IL12RB1: variants seen among roughly 807,000 people sequenced by gnomAD.
IL12RB1 encodes the protein interleukin 12 receptor subunit beta 1.
IL12RB1 carries 64 observed loss-of-function variants against 94.4 expected under a neutral mutation model. The ratio of observed to expected loss-of-function variants is 0.68; its 90% CI spans 0.55 to 0.83. The LOEUF (loss-of-function observed/expected upper bound fraction) is 0.83, where lower values mean the gene tolerates loss of function less well. IL12RB1 is among the 40% of genes least tolerant of loss of function. The probability of loss-of-function intolerance (pLI) is 0.00; values close to 1 mark genes in which losing one functional copy is unlikely to be tolerated. For synonymous variants in IL12RB1, 362 were observed against 355.5 expected, an observed-to-expected ratio of 1.02 and a Z score of -0.21; for missense variants, 814 against 855.6, an observed-to-expected ratio of 0.95 and a Z score of 0.61.
intron 11 of IL12RB1, among the ~76,000 whole-genome samples, chr19:18,067,701 G>T (rs556676591): frequency 6.6e-5 from 10 of 152,286 alleles, no homozygotes; most frequent in Admixed American, 1.3e-4. Context: ...TACTCAGGAG[G>T]CTGAGGAAGG....
chr19:18,064,431 GCCCAA>G (rs1025132719), intron 12 of IL12RB1, among the ~76,000 whole-genome samples: 2 of 150,230 alleles, frequency 1.3e-5, no homozygotes, highest in Non-Finnish European at 3.0e-5. Context: ...GAGCCACCAA[GCCCAA>G]CCTAAAATCT....
chr19:18,077,603 C>T lies in IL12RB1; in HGVS notation c.462G>A (p.Gln154=), dbSNP rs1257858315. Residue 154 remains glutamine (Q), a synonymous_variant, in exon 5 of 17, where the codon CAG becomes CAA. Transcript: ENST00000593993. The stretch of plus-strand genomic sequence containing the variant: ...CCGGGGTCTCCCACTCCATACGCAG[C>T]TGCCCGGCCAACTTGGACACCTTGA... ...GDIKVSKLAG[Q]LRMEWETPDN... is the part of the protein sequence containing the mutation. The T allele has an allele frequency of 6.3e-7, 1 of 1,597,410 alleles. No individual in the cohort carries two copies. Among genetic ancestry groups the T allele is most frequent in the Non-Finnish European group, 8.6e-7 (1 of 1,164,722 alleles).
At chr19:18,083,121 C>A in intron 2 of IL12RB1, 1 of 526,730 alleles carries the variant, frequency 1.9e-6, no homozygotes, top group Non-Finnish European at 3.4e-6. Flanking sequence ...AATAATTTAT[C>A]AGGTTGGGGG....
At chr19:18,094,976 G>A (rs539565164) in intron 1 of IL12RB1, among the ~76,000 whole-genome samples, 2 of 152,024 alleles carry the variant, frequency 1.3e-5, no homozygotes, top group South Asian at 2.1e-4. Context: ...TCAGGAGTTT[G>A]AGACCAGCCT....
intron 3 of IL12RB1, among the ~76,000 whole-genome samples, chr19:18,081,375 C>T (rs1489687401): frequency 2.0e-5 from 3 of 150,606 alleles, no homozygotes; most frequent in Non-Finnish European, 4.4e-5. Flanking sequence ...GGATTACAAG[C>T]GTGAGCCACC....
In IL12RB1 at chr19:18,072,229, G is replaced by T; in HGVS notation, c.904C>A (p.His302Asn). 1 of 1,613,916 alleles carries T rather than the reference G, an allele frequency of 6.2e-7. No individual in the cohort carries two copies. Among genetic ancestry groups the T allele is most frequent in the Non-Finnish European group, 8.5e-7 (1 of 1,179,770 alleles). Residue 302 changes from histidine to asparagine, a missense_variant, in exon 9 of 17, where the codon CAC (histidine) becomes AAC (asparagine). His to Asn is a moderately conservative substitution (Grantham distance 68). Transcript: ENST00000593993. Reference sequence around the variant, plus strand: ...GAGAGATAGGGCATCTTCCCCAGGTGCAGGGTCCTGGTGGCCTTGGCCTTA... The same window carrying T: ...GAGAGATAGGGCATCTTCCCCAGGTTCAGGGTCCTGGTGGCCTTGGCCTTA... ...PCKAKATRTL[H>N]LGKMPYLSGA...
At chr19:18,068,012 T>C (rs771573449) in intron 11 of IL12RB1, among the ~76,000 whole-genome samples, 4 of 145,136 alleles carry the variant, frequency 2.8e-5, no homozygotes, top group Admixed American at 7.1e-5. Context: ...CTTAACAGCA[T>C]TGTCCTTTTT....
intron 4 of IL12RB1, 47 bp downstream of exon 4, chr19:18,080,785 T>C: frequency 1.6e-6 from 2 of 1,283,916 alleles, no homozygotes; most frequent in Non-Finnish European, 2.3e-6. Context: ...TGCAGCCTGA[T>C]GGCCTCTCTG....
intron 5 of IL12RB1, among the ~76,000 whole-genome samples, chr19:18,076,976 G>T (rs915139667): frequency 6.6e-6 from 1 of 152,162 alleles, no homozygotes; most frequent in African/African-American, 2.4e-5. Context: ...GAGGAGTTTG[G>T]GTAAAGGATA....
chr19:18,087,504 C>G (rs532736736), upstream of IL12RB1, among the ~76,000 whole-genome samples: 1 of 152,050 alleles, frequency 6.6e-6, no homozygotes, highest in Admixed American at 6.6e-5. Context: ...GCTACCGTGC[C>G]TGGCTGCCAA....
intron 5 of IL12RB1, among the ~76,000 whole-genome samples, chr19:18,076,535 T>C (rs1191266607): frequency 1.3e-5 from 2 of 152,050 alleles, no homozygotes; most frequent in Non-Finnish European, 2.9e-5. Context: ...TCCTGAGTAG[T>C]TGGGACTACA....
intron 11 of IL12RB1, among the ~76,000 whole-genome samples, chr19:18,067,623 A>G (rs547701974): frequency 6.6e-6 from 1 of 152,238 alleles, no homozygotes; most frequent in African/African-American, 2.4e-5. Context: ...CCAACATGCT[A>G]AAACCCTGTC....
chr19:18,064,733 C>A (rs962091048), intron 12 of IL12RB1, among the ~76,000 whole-genome samples: 4 of 152,166 alleles, frequency 2.6e-5, no homozygotes, highest in Non-Finnish European at 5.9e-5. Context: ...CTCAGCCTCC[C>A]AAAGTGCTGG....
At position 18,063,831 on chromosome 19, in the gene IL12RB1, C is replaced by G. The variant is rs554300618; in HGVS notation, c.1618+45G>C. The G allele has an allele frequency of 1.5e-5, 23 of 1,575,678 alleles. No homozygotes were observed. The African/African-American group carries it at 2.8e-4, about 19-fold the overall frequency. On this transcript the variant is annotated intron_variant, in intron 13 of 16. Coordinates refer to ENST00000593993, the MANE Select transcript of IL12RB1 (RefSeq NM_005535.3). Reference sequence around the variant, plus strand: ...TAAGATCATTGTGGGAAGCGCAGTGCAGTGCATGCTGGGTAAATAACTGGG... The same window carrying G: ...TAAGATCATTGTGGGAAGCGCAGTGGAGTGCATGCTGGGTAAATAACTGGG...
At chr19:18,077,426 G>C in intron 5 of IL12RB1, 90 bp downstream of exon 5, 1 of 1,001,278 alleles carries the variant, frequency 1.0e-6, no homozygotes, top group Non-Finnish European at 1.6e-6. Flanking sequence ...GTTGGGAGCG[G>C]GGACAGATGC....
At chr19:18,063,659 C>A (rs538590715) in intron 13 of IL12RB1, among the ~76,000 whole-genome samples, 51 of 152,222 alleles carry the variant, frequency 3.4e-4, no homozygotes, top group African/African-American at 1.2e-3. Context: ...ACATTCCAGG[C>A]AGGAGGCAGG....
At chr19:18,084,688 T>G (rs56970232) in intron 1 of IL12RB1, among the ~76,000 whole-genome samples, 24,987 of 141,106 alleles carry the variant, frequency 0.18, 2,171 homozygotes, top group Non-Finnish European at 0.2. Flanking sequence ...CATCCATCCA[T>G]CCATCCATCC....
Position 18,092,137 on chromosome 19 carries a change from A to G in IL12RB1, c.-229-1368T>C, listed in dbSNP as rs1187692031. 3.3e-5 allele frequency among the ~76,000 whole-genome samples: 5 copies of G among 150,110 alleles called. No individual in the cohort carries two copies. The South Asian group carries it at 8.4e-4, about 25-fold the overall frequency. On this transcript the variant is annotated intron_variant, in intron 1 of 4. Coordinates refer to the IL12RB1 transcript ENST00000594176. The stretch of plus-strand genomic sequence containing the variant: ...AGTGATCTGCTGGCCTCGGCCTCCC[A>G]AAGGGCTGGGATTACCGGCGTAAGC...
chr19:18,071,767 G>A (rs1348944800), intron 9 of IL12RB1, among the ~76,000 whole-genome samples: 1 of 152,080 alleles, frequency 6.6e-6, no homozygotes, highest in East Asian at 1.9e-4. Flanking sequence ...TGGCTCCTGG[G>A]TTCAAGCGAT....
Sources: allele counts gnomAD v4.1 joint callset (sites outside exome capture counted in the v4.1 genomes callset), GRCh38; gene constraint gnomAD v4.1.1; transcripts MANE v1.5; gene names NCBI Gene and HGNC (gene_info 2026-07-23, HGNC 2026-07-21).